Variants in PPP1R12B observed in about 807,000 individuals in gnomAD.
PPP1R12B encodes the protein protein phosphatase 1 regulatory subunit 12B.
PPP1R12B carries 76 observed loss-of-function variants against 126.1 expected under a neutral mutation model. That is an observed-to-expected ratio of 0.60 (90% CI 0.50 to 0.73). The LOEUF is 0.73. PPP1R12B is among the 30% of genes least tolerant of loss of function. The pLI is 0.00. For missense variants in PPP1R12B, 1,052 were observed against 1,205.1 expected (o/e 0.87, Z 1.88); for synonymous variants, 356 against 434.7 (o/e 0.82, Z 2.25).
intron 18 of PPP1R12B, chr1:202,502,266 A>G (rs1164787559): frequency 1.0e-4 from 101 of 983,964 alleles, no homozygotes; most frequent in Non-Finnish European, 1.2e-4. Flanking sequence ...CCTGCCTTAG[A>G]TAACTGGGGG....
chr1:202,364,285 CT>C (rs1426266008), intron 1 of PPP1R12B, among the ~76,000 whole-genome samples: 1 of 152,006 alleles, frequency 6.6e-6, no homozygotes, highest in Non-Finnish European at 1.5e-5. Context: ...AGGATGATAC[CT>C]TATAGTTGTA....
At chr1:202,499,805 A>G (rs1292240557) in intron 18 of PPP1R12B, among the ~76,000 whole-genome samples, 2 of 152,236 alleles carry the variant, frequency 1.3e-5, no homozygotes, top group Admixed American at 6.5e-5. Context: ...TTTATATACC[A>G]AGAAAAATGT....
At chr1:202,432,227 T>C (rs999281239) in intron 8 of PPP1R12B, among the ~76,000 whole-genome samples, 1 of 152,126 alleles carries the variant, frequency 6.6e-6, no homozygotes. Flanking sequence ...CAAAATCATA[T>C]TTACCTTTAT....
At chr1:202,518,749 C>T (rs942021210) in intron 18 of PPP1R12B, among the ~76,000 whole-genome samples, 4 of 152,130 alleles carry the variant, frequency 2.6e-5, no homozygotes, top group African/African-American at 9.7e-5. Context: ...TTTTTCCCCC[C>T]TTAAATGCTT....
intron 1 of PPP1R12B, among the ~76,000 whole-genome samples, chr1:202,350,873 G>A (rs1354265353): frequency 1.3e-5 from 2 of 151,940 alleles, no homozygotes; most frequent in South Asian, 2.1e-4. Context: ...CACCCTCCTT[G>A]GCCTCCCAAA....
intron 13 of PPP1R12B, among the ~76,000 whole-genome samples, chr1:202,459,819 A>G (rs1378243202): frequency 6.6e-6 from 1 of 152,236 alleles, no homozygotes; most frequent in Non-Finnish European, 1.5e-5. Flanking sequence ...TCAGAATGCA[A>G]CAGTCTCTAT....
intron 1 of PPP1R12B, among the ~76,000 whole-genome samples, chr1:202,411,594 T>G (rs1394882170): frequency 6.7e-6 from 1 of 149,452 alleles, no homozygotes; most frequent in African/African-American, 2.5e-5. Flanking sequence ...TACTTTTTGT[T>G]TTTTTTTTTT....
At chr1:202,439,923 T>A (rs1372537505) in intron 10 of PPP1R12B, 98 of 196,968 alleles carry the variant, frequency 5.0e-4, no homozygotes, top group African/African-American at 2.0e-3. Flanking sequence ...TGCCACAGTG[T>A]AATAAAGCCT....
chr1:202,444,942 G>T, intron 12 of PPP1R12B: 1 of 976,964 alleles, frequency 1.0e-6, no homozygotes. Flanking sequence ...CCCTTTCTTT[G>T]GTCTATATTC....
chr1:202,496,717 C>G, intron 17 of PPP1R12B, 64 bp from the exon 18 acceptor site: 1 of 1,461,430 alleles, frequency 6.8e-7, no homozygotes, highest in Non-Finnish European at 9.6e-7. Flanking sequence ...GGGATCTGAC[C>G]TTGTTGCTTT....
chr1:202,470,153 T>C (rs1675642531), intron 13 of PPP1R12B, among the ~76,000 whole-genome samples: 1 of 152,226 alleles, frequency 6.6e-6, no homozygotes, highest in Non-Finnish European at 1.5e-5. Flanking sequence ...CCACCTATGC[T>C]AACACGGTTC....
At chr1:202,386,301 T>C (rs1404949557) in intron 1 of PPP1R12B, among the ~76,000 whole-genome samples, 9 of 151,870 alleles carry the variant, frequency 5.9e-5, no homozygotes, top group Non-Finnish European at 1.0e-4. Context: ...TGAATACTTA[T>C]GATGGGTTTC....
chr1:202,493,598 A>G (rs1213013038), intron 15 of PPP1R12B, among the ~76,000 whole-genome samples: 1 of 152,226 alleles, frequency 6.6e-6, no homozygotes, highest in Non-Finnish European at 1.5e-5. Flanking sequence ...ATAAAAATAT[A>G]AGCATATATT....
intron 6 of PPP1R12B, among the ~76,000 whole-genome samples, chr1:202,430,205 A>G (rs1305916623): frequency 1.3e-5 from 2 of 152,200 alleles, no homozygotes; most frequent in African/African-American, 4.8e-5. Context: ...GAACATCAAT[A>G]GTATTATTCA....
intron 6 of PPP1R12B, among the ~76,000 whole-genome samples, chr1:202,429,537 A>G (rs1669949421): frequency 6.6e-6 from 1 of 152,218 alleles, no homozygotes; most frequent in Non-Finnish European, 1.5e-5. Context: ...AGTGCTATAC[A>G]GGAGAACTAC....
intron 18 of PPP1R12B, among the ~76,000 whole-genome samples, chr1:202,510,650 A>G (rs1681358438): frequency 6.6e-6 from 1 of 151,994 alleles, no homozygotes; most frequent in African/African-American, 2.4e-5. Flanking sequence ...ATTGAGTCCC[A>G]TTTGGGATGT....
intron 18 of PPP1R12B, among the ~76,000 whole-genome samples, chr1:202,521,918 G>A (rs1326089886): frequency 6.6e-6 from 1 of 152,120 alleles, no homozygotes; most frequent in Admixed American, 6.6e-5. Context: ...AAAATCGTAG[G>A]AAATTAATGA....
chr1:202,461,882 T>G (rs1490725600), intron 13 of PPP1R12B, among the ~76,000 whole-genome samples: 1 of 152,148 alleles, frequency 6.6e-6, no homozygotes, highest in African/African-American at 2.4e-5. Context: ...GTGAGCTGAA[T>G]GTGATAATGG....
chr1:202,402,481 A>G (rs1232073524), intron 1 of PPP1R12B, among the ~76,000 whole-genome samples: 1 of 152,204 alleles, frequency 6.6e-6, no homozygotes, highest in Non-Finnish European at 1.5e-5. Flanking sequence ...GCTTTCAGGA[A>G]AAAACCAAGT....
Sources: allele counts gnomAD v4.1 joint callset (sites outside exome capture counted in the v4.1 genomes callset), GRCh38; gene constraint gnomAD v4.1.1; transcripts MANE v1.5; gene names NCBI Gene and HGNC (gene_info 2026-07-23, HGNC 2026-07-21).